Variants in CHRNA7 observed in about 807,000 individuals in gnomAD.
CHRNA7 encodes the protein neuronal acetylcholine receptor subunit alpha-7.
A neutral mutation model predicts 48.0 loss-of-function variants in CHRNA7; 17 were observed. That is an observed-to-expected ratio of 0.35 (90% CI 0.24 to 0.53). The LOEUF is 0.53. Among genes scored for constraint, CHRNA7 ranks in the 20% least tolerant of loss-of-function variants. The pLI is 0.92. For synonymous variants in CHRNA7, 75 were observed against 242.3 expected, an observed-to-expected ratio of 0.31 and a Z score of 6.41; for missense variants, 155 against 577.7, an observed-to-expected ratio of 0.27 and a Z score of 7.50.
At chr15:32,109,807 C>T (rs2050732746) in intron 3 of CHRNA7, among the ~76,000 whole-genome samples, 1 of 152,178 alleles carries the variant, frequency 6.6e-6, no homozygotes, top group African/African-American at 2.4e-5. Context: ...ACTGGACTAG[C>T]ATAAAGGCTG....
At position 32,066,375 on chromosome 15, in the gene CHRNA7, G is replaced by T. The variant is rs530316254; in HGVS notation, c.196-34928G>T. Reference sequence around the variant, plus strand: ...CCACTCACTGCAACCTCCACCTCCTGGGTTCAAGCCATTCTTCTGCCTCAG... The same window carrying T: ...CCACTCACTGCAACCTCCACCTCCTTGGTTCAAGCCATTCTTCTGCCTCAG... On this transcript the variant is annotated intron_variant, in intron 2 of 9. Transcript: ENST00000306901. 2.5e-4 allele frequency among the ~76,000 whole-genome samples: 38 copies of T among 151,938 alleles called. No individual in the cohort carries two copies. In the South Asian group the frequency reaches 7.9e-3, roughly 32 times the overall value.
At chr15:32,081,668 G>T (rs1384149189) in intron 2 of CHRNA7, among the ~76,000 whole-genome samples, 1 of 151,988 alleles carries the variant, frequency 6.6e-6, no homozygotes, top group Non-Finnish European at 1.5e-5. Context: ...CTCTCCTGTA[G>T]TTACCTTTAC....
chr15:32,097,709 G>A (rs753084480), intron 2 of CHRNA7, among the ~76,000 whole-genome samples: 10 of 152,166 alleles, frequency 6.6e-5, no homozygotes, highest in African/African-American at 1.4e-4. Flanking sequence ...ACTGTTCTTC[G>A]GGAGACTAAA....
chr15:32,040,608 G>C, intron 2 of CHRNA7, among the ~76,000 whole-genome samples: 1 of 148,670 alleles, frequency 6.7e-6, no homozygotes, highest in Admixed American at 6.6e-5. Flanking sequence ...ATGTGTGTAT[G>C]TGTGTGTGTG....
intron 2 of CHRNA7, among the ~76,000 whole-genome samples, chr15:32,075,886 G>T (rs2050129658): frequency 6.6e-6 from 1 of 151,506 alleles, no homozygotes; most frequent in African/African-American, 2.4e-5. Flanking sequence ...ATTTTAATAT[G>T]TTGTATTTTC....
chr15:32,065,381 G>C (rs2049947154), intron 2 of CHRNA7, among the ~76,000 whole-genome samples: 1 of 152,164 alleles, frequency 6.6e-6, no homozygotes. Context: ...GACCCCACTT[G>C]CAAGACTATT....
intron 4 of CHRNA7, chr15:32,112,279 C>T (rs2050774971): frequency 4.3e-6 from 2 of 462,706 alleles, no homozygotes; most frequent in African/African-American, 4.0e-5. Flanking sequence ...ATGGGATGCA[C>T]TGCTGGAGCC....
chr15:32,111,746 T>C, intron 3 of CHRNA7, 44 bp from the exon 4 acceptor site: 1 of 1,154,936 alleles, frequency 8.7e-7, no homozygotes, highest in Non-Finnish European at 1.3e-6. Context: ...GAAATATTAG[T>C]AGCCAAGGAA....
intron 2 of CHRNA7, among the ~76,000 whole-genome samples, chr15:32,050,623 T>G (rs1156776456): frequency 2.0e-5 from 3 of 152,224 alleles, no homozygotes; most frequent in Non-Finnish European, 2.9e-5. Context: ...AGTTTGGTCG[T>G]CTGAAGCCTT....
At chr15:32,112,175 T>A (rs1273750533) in intron 4 of CHRNA7, 1 of 585,540 alleles carries the variant, frequency 1.7e-6, no homozygotes, top group Non-Finnish European at 3.2e-6. Context: ...GTGTTGTTTC[T>A]GTGCATATTG....
intron 4 of CHRNA7, among the ~76,000 whole-genome samples, chr15:32,125,266 A>G (rs753448820): frequency 1.3e-5 from 2 of 152,374 alleles, no homozygotes; most frequent in Non-Finnish European, 2.9e-5. Context: ...ATTTACACTC[A>G]TGATGATAAC....
In CHRNA7 at chr15:32,148,202, C is replaced by A. The variant is rs139747793; in HGVS notation, c.351-5705C>A. ...GGACAGAGTGCCTGGATTTCTTCTTCTTATTGTTATTTTATTATTATTCAT... is the reference window on the plus strand; with the variant it reads ...GGACAGAGTGCCTGGATTTCTTCTTATTATTGTTATTTTATTATTATTCAT... On this transcript the variant is annotated intron_variant, in intron 4 of 9. Transcript: ENST00000306901. Among the ~76,000 whole-genome samples, 404 of 152,306 alleles carry A rather than the reference C, an allele frequency of 2.7e-3. 2 individuals carry two copies. Among genetic ancestry groups the A allele is most frequent in the South Asian group, 0.015 (74 of 4,824 alleles).
chr15:32,163,194 C>T, intron 8 of CHRNA7, 32 bp from the exon 9 acceptor site: 1 of 643,568 alleles, frequency 1.6e-6, no homozygotes, highest in Non-Finnish European at 2.2e-6. Flanking sequence ...ACAGGATCCC[C>T]GGGTCTCACC....
rs559412739 is a variant in CHRNA7 at position 32,163,531 on chromosome 15, C to T, written c.990+196C>T. On this transcript the variant is annotated intron_variant, in intron 9 of 9. Coordinates refer to ENST00000306901, the MANE Select transcript of CHRNA7 (RefSeq NM_000746.6). ...GTGGTGTAATCTTGGCTCACTGCAA[C>T]CTCCACCTCCTGGATTCAAGCAATT... 521 of 183,164 alleles carry T rather than the reference C, an allele frequency of 2.8e-3. 183 individuals carry two copies. Among genetic ancestry groups the T allele is most frequent in the African/African-American group, 0.018 (386 of 21,300 alleles). 11.3% of individuals were successfully genotyped at this position (183,164 alleles called of 1,614,324 possible).
intron 2 of CHRNA7, among the ~76,000 whole-genome samples, chr15:32,051,291 G>T (rs12900565): frequency 0.035 from 5,310 of 152,204 alleles, 135 homozygotes; most frequent in Middle Eastern, 0.1. Context: ...TTGAGCTGTG[G>T]TGGGCTCCAC....
chr15:32,082,953 G>C (rs1334496051), intron 2 of CHRNA7, among the ~76,000 whole-genome samples: 1 of 152,152 alleles, frequency 6.6e-6, no homozygotes, highest in African/African-American at 2.4e-5. Flanking sequence ...TGGCCAACAT[G>C]ATGAAACACT....
At chr15:32,100,277 A>G (rs894513339) in intron 2 of CHRNA7, 1 of 152,154 alleles carries the variant, frequency 6.6e-6, no homozygotes, top group East Asian at 1.9e-4. Context: ...TTCTGGGAAC[A>G]TCTTCACAGG....
At chr15:32,112,570 G>A (rs2050781135) in intron 4 of CHRNA7, among the ~76,000 whole-genome samples, 1 of 152,214 alleles carries the variant, frequency 6.6e-6, no homozygotes, top group Non-Finnish European at 1.5e-5. Flanking sequence ...TCGTTAAACT[G>A]CATAGTCAAA....
chr15:32,123,976 A>AC (rs1222089735), intron 4 of CHRNA7, among the ~76,000 whole-genome samples: 1 of 151,668 alleles, frequency 6.6e-6, no homozygotes, highest in African/African-American at 2.4e-5. Context: ...AAAAAAAAAA[A>AC]AAAAAACAGC....
Sources: allele counts gnomAD v4.1 joint callset (sites outside exome capture counted in the v4.1 genomes callset), GRCh38; gene constraint gnomAD v4.1.1; transcripts MANE v1.5; gene names NCBI Gene and HGNC (gene_info 2026-07-23, HGNC 2026-07-21).